SLC36A1: variants seen among roughly 807,000 people sequenced by gnomAD.
SLC36A1 encodes solute carrier family 36 member 1.
Under a neutral mutation model 47.5 loss-of-function variants are expected in SLC36A1, and 30 were observed. The ratio of observed to expected loss-of-function variants is 0.63; its 90% CI spans 0.47 to 0.86. The LOEUF (loss-of-function observed/expected upper bound fraction) is 0.86, where lower values mean the gene tolerates loss of function less well. Ranked by LOEUF, SLC36A1 falls within the 40% of genes least tolerant of loss-of-function variation. The pLI is 0.00. For synonymous variants in SLC36A1, 255 were observed against 249.7 expected, an observed-to-expected ratio of 1.02 and a Z score of -0.20; for missense variants, 517 against 606.0, an observed-to-expected ratio of 0.85 and a Z score of 1.54.
At chr5:151,419,516 G>GC in the SLC36A1 span, among the ~76,000 whole-genome samples, 1 of 152,170 alleles carries the variant, frequency 6.6e-6, no homozygotes, top group Non-Finnish European at 1.5e-5. Flanking sequence ...ATATTAATTT[G>GC]CCCCCAGAAG....
At chr5:151,545,997 G>A in the SLC36A1 span, 1 of 1,614,142 alleles carries the variant, frequency 6.2e-7, no homozygotes, top group South Asian at 1.1e-5. Flanking sequence ...TGGAAATAAG[G>A]CCAGAATATG....
intron 4 of SLC36A1, 37 bp from the exon 5 acceptor site, chr5:151,465,037 C>T (rs747308364): frequency 5.3e-5 from 79 of 1,503,288 alleles, no homozygotes; most frequent in African/African-American, 1.1e-4. Flanking sequence ...GTCTAATCCA[C>T]GTGCTCTGTC....
At chr5:151,446,366 A>C (rs1038154300), upstream of SLC36A1, among the ~76,000 whole-genome samples, 5 of 152,124 alleles carry the variant, frequency 3.3e-5, no homozygotes, top group African/African-American at 1.2e-4. Flanking sequence ...CCTCGTCTCT[A>C]CTAAAAATAC....
chr5:151,345,525 C>G, the SLC36A1 span, among the ~76,000 whole-genome samples: 1 of 152,146 alleles, frequency 6.6e-6, no homozygotes, highest in African/African-American at 2.4e-5. Context: ...TACATAGATT[C>G]ATCAAGGGTT....
At chr5:151,529,779 A>G in the SLC36A1 span, among the ~76,000 whole-genome samples, 24,585 of 152,208 alleles carry the variant, frequency 0.16, 2,271 homozygotes, top group Non-Finnish European at 0.2. Flanking sequence ...GACTTGTCCA[A>G]CCTCACCCAG....
chr5:151,478,833 C>CT (rs138808455), intron 9 of SLC36A1, among the ~76,000 whole-genome samples: 9,830 of 151,820 alleles, frequency 0.065, 992 homozygotes, highest in African/African-American at 0.22. Context: ...CCTCTTTTTT[C>CT]TTTTTTAAGA....
the SLC36A1 span, chr5:151,553,246 G>C: frequency 1.2e-5 from 19 of 1,614,092 alleles, no homozygotes; most frequent in Non-Finnish European, 1.5e-5. Flanking sequence ...TGGTTCACAG[G>C]GTCCGTCTCC....
At chr5:151,551,489 C>T in the SLC36A1 span, 1 of 1,614,036 alleles carries the variant, frequency 6.2e-7, no homozygotes. Flanking sequence ...GGTGCGGGAC[C>T]CATCTGTCAC....
the SLC36A1 span, chr5:151,505,781 G>A: frequency 6.2e-7 from 1 of 1,614,130 alleles, no homozygotes; most frequent in Non-Finnish European, 8.5e-7. Flanking sequence ...GGAACTGCGA[G>A]TGGTAGTAGC....
At chr5:151,534,010 T>G in the SLC36A1 span, among the ~76,000 whole-genome samples, 1 of 152,126 alleles carries the variant, frequency 6.6e-6, no homozygotes, top group Non-Finnish European at 1.5e-5. Flanking sequence ...ATCAAGGAAT[T>G]TAATGGGCTT....
the SLC36A1 span, chr5:151,545,236 T>G: frequency 6.2e-7 from 1 of 1,614,186 alleles, no homozygotes; most frequent in Non-Finnish European, 8.5e-7. Context: ...CTGCAAGCTT[T>G]TGTCAAGCAC....
chr5:151,413,904 A>G, the SLC36A1 span, among the ~76,000 whole-genome samples: 1 of 152,158 alleles, frequency 6.6e-6, no homozygotes, highest in Non-Finnish European at 1.5e-5. Context: ...CCAACATAAT[A>G]TATTTACAAA....
At chr5:151,423,227 C>A in the SLC36A1 span, among the ~76,000 whole-genome samples, 1 of 152,160 alleles carries the variant, frequency 6.6e-6, no homozygotes, top group Non-Finnish European at 1.5e-5. Context: ...GATAGTTTGG[C>A]AGTTTCTTAC....
At chr5:151,470,716 TTGTGCCCCACTTACCATGAG>T (rs1757201666) in intron 7 of SLC36A1, 1 of 152,464 alleles carries the variant, frequency 6.6e-6, no homozygotes, top group African/African-American at 2.4e-5. Context: ...TGTTTTGGCA[TTGTGCCCCACTTACCATGAG>T]GATTCCCCTA....
At chr5:151,500,193 A>AAGGCGCACCTCCCGAGTC in the SLC36A1 span, among the ~76,000 whole-genome samples, 1 of 152,050 alleles carries the variant, frequency 6.6e-6, no homozygotes, top group African/African-American at 2.4e-5. Flanking sequence ...ACCCAAACGT[A>AAGGCGCACCTCCCGAGTC]AGGCGCACCT....
At chr5:151,493,972 T>A (rs1188463395), downstream of SLC36A1, among the ~76,000 whole-genome samples, 1 of 152,220 alleles carries the variant, frequency 6.6e-6, no homozygotes, top group Non-Finnish European at 1.5e-5. Context: ...CATGCACTGA[T>A]GTCTTGCTCA....
At chr5:151,367,352 C>G in the SLC36A1 span, among the ~76,000 whole-genome samples, 20 of 90,612 alleles carry the variant, frequency 2.2e-4, no homozygotes, top group African/African-American at 3.5e-4. Context: ...GACCTCCCCC[C>G]AGGAATGCAT....
the SLC36A1 span, chr5:151,521,684 G>C: frequency 1.2e-5 from 19 of 1,613,852 alleles, no homozygotes; most frequent in Non-Finnish European, 1.6e-5. Flanking sequence ...GGGGTGAGCT[G>C]GTAGAAGCCC....
intron 7 of SLC36A1, among the ~76,000 whole-genome samples, chr5:151,468,293 AT>A (rs770748144): frequency 0.017 from 1,411 of 82,346 alleles, 71 homozygotes; most frequent in East Asian, 0.059. Context: ...ATATATATAT[AT>A]TTTATATATA....
Sources: allele counts gnomAD v4.1 joint callset (sites outside exome capture counted in the v4.1 genomes callset), GRCh38; gene constraint gnomAD v4.1.1; transcripts MANE v1.5; gene names NCBI Gene and HGNC (gene_info 2026-07-23, HGNC 2026-07-21).